POLR1F: variants seen among roughly 807,000 people sequenced by gnomAD.
POLR1F encodes the protein RNA polymerase I subunit F, also known as DNA-directed RNA polymerase I subunit RPA43.
In POLR1F, 23 loss-of-function variants were observed where a neutral mutation model predicts 21.8. The ratio of observed to expected loss-of-function variants is 1.05; its 90% confidence interval spans 0.76 to 1.49. The LOEUF is 1.49. POLR1F is among the 40% of genes most tolerant of loss of function. The pLI is 0.00. For synonymous variants in POLR1F, 162 were observed against 152.8 expected (o/e 1.06, Z -0.45); for missense variants, 435 against 412.1 (o/e 1.06, Z -0.48).
chr7:19,701,209 A>G (rs943445114), intron 2 of POLR1F, among the ~76,000 whole-genome samples: 5 of 152,242 alleles, frequency 3.3e-5, no homozygotes, highest in Non-Finnish European at 5.9e-5. Flanking sequence ...TTATTCAGTA[A>G]TAAAGATAAA....
rs1266419107 is a variant in POLR1F at position 19,696,797 on chromosome 7, G to A, written c.*1519C>T. ...TATTGATTTCACCAATATAAAAATT[G>A]AGATAGTTTACATTTTTTGGTACAT... On this transcript the variant is annotated 3_prime_UTR_variant, in exon 4 of 4. Transcript: ENST00000222567. 6.6e-6 allele frequency: 1 copy of A among 152,066 alleles called. No homozygotes were observed. The highest frequency in any genetic ancestry group is 2.4e-5 in the African/African-American group (1 of 41,434). The allele number at this position is 152,066 out of a possible 1,614,324, so 9.4% of individuals were successfully genotyped here.
At chr7:19,702,255 T>G (rs1783455614) in intron 2 of POLR1F, among the ~76,000 whole-genome samples, 1 of 152,154 alleles carries the variant, frequency 6.6e-6, no homozygotes, top group Non-Finnish European at 1.5e-5. Flanking sequence ...CTCTATACTC[T>G]CCATTCAATT....
At chr7:19,705,549 A>T (rs1231941931) in intron 1 of POLR1F, 1 of 152,610 alleles carries the variant, frequency 6.6e-6, no homozygotes, top group African/African-American at 2.4e-5. Flanking sequence ...CATTACGGTT[A>T]AAGCTGAAGC....
At chr7:19,708,252 A>C (rs1783563603) in intron 1 of POLR1F, among the ~76,000 whole-genome samples, 1 of 152,174 alleles carries the variant, frequency 6.6e-6, no homozygotes, top group Non-Finnish European at 1.5e-5. Flanking sequence ...GAAAATGGGG[A>C]AATTACCAGA....
intron 1 of POLR1F, chr7:19,705,454 C>G (rs1783507654): frequency 6.5e-6 from 1 of 153,378 alleles, no homozygotes; most frequent in Non-Finnish European, 1.5e-5. Flanking sequence ...ATGTGTATCT[C>G]TGTGGACATG....
chr7:19,701,722 G>A (rs541648345), intron 2 of POLR1F, among the ~76,000 whole-genome samples: 1 of 152,062 alleles, frequency 6.6e-6, no homozygotes, highest in African/African-American at 2.4e-5. Flanking sequence ...ATGGCCTCTG[G>A]GGGGGCAGGG....
intron 3 of POLR1F, 54 bp downstream of exon 3, chr7:19,700,018 C>A (rs1294017680): frequency 1.4e-6 from 2 of 1,421,426 alleles, no homozygotes; most frequent in African/African-American, 1.4e-5. Flanking sequence ...CTTTAAAATT[C>A]AGAATTAAAT....
chr7:19,705,658 G>T (rs1447620163), intron 1 of POLR1F, among the ~76,000 whole-genome samples: 1 of 152,214 alleles, frequency 6.6e-6, no homozygotes, highest in Non-Finnish European at 1.5e-5. Context: ...TTTAGGAACT[G>T]ACTGACACTT....
chr7:19,708,701 C>T, intron 1 of POLR1F, 62 bp downstream of exon 1: 1 of 1,560,950 alleles, frequency 6.4e-7, no homozygotes, highest in Non-Finnish European at 8.7e-7. Flanking sequence ...GCTGCGTCGT[C>T]AGCACATCCA....
intron 3 of POLR1F, among the ~76,000 whole-genome samples, chr7:19,699,038 T>C (rs1783416635): frequency 6.6e-6 from 1 of 152,114 alleles, no homozygotes; most frequent in Non-Finnish European, 1.5e-5. Flanking sequence ...AAACATGTCT[T>C]CCAAGTTTTG....
rs557556857 is a variant in POLR1F, at chr7:19,697,483, G to C, written c.*833C>G. 1 of 152,226 alleles carries C rather than the reference G, an allele frequency of 6.6e-6. No homozygotes were observed. Among genetic ancestry groups the C allele is most frequent in the South Asian group, 2.1e-4 (1 of 4,828 alleles). 9.4% of individuals were successfully genotyped at this position (152,226 alleles called of 1,614,324 possible). ...ATTTTCTCAATGAAAGCAGTGAACA[G>C]AACAACTGTTTTCTCTTCAGCACAA... is the stretch of plus-strand genomic sequence containing the variant. On this transcript the variant is annotated 3_prime_UTR_variant, in exon 4 of 4. Transcript: ENST00000222567.
In POLR1F at chr7:19,708,956, C is replaced by T; in HGVS notation, c.61G>A (p.Gly21Arg). The change falls in exon 1 of 4, where the codon GGG (glycine) becomes AGG (arginine). Residue 21 changes from glycine to arginine, a missense_variant. Physicochemically the swap from Gly to Arg is moderately radical, Grantham distance 125. Coordinates refer to ENST00000222567, the MANE Select transcript of POLR1F (RefSeq NM_001002926.2). ...AGGCAAGGCAGGACGCCAGCCTGCC[C>T]TACCAGAGACCCATCAGAAGCCGCC... ...PAAASDGSLV[G>R]QAGVLPCLEL... The T allele has an allele frequency of 1.2e-6, 2 of 1,608,414 alleles. No homozygotes were observed. The highest frequency in any genetic ancestry group is 1.7e-6 in the Non-Finnish European group (2 of 1,176,598).
At chr7:19,701,781 A>G (rs570080202) in intron 2 of POLR1F, among the ~76,000 whole-genome samples, 1 of 152,258 alleles carries the variant, frequency 6.6e-6, no homozygotes, top group Admixed American at 6.5e-5. Context: ...CTGAGCTTTA[A>G]TCATTCATAG....
chr7:19,707,459 GCCCT>G (rs1783546396), intron 1 of POLR1F, among the ~76,000 whole-genome samples: 1 of 152,122 alleles, frequency 6.6e-6, no homozygotes, highest in Admixed American at 6.5e-5. Context: ...TTGACCCCCT[GCCCT>G]CCTCTCCAAT....
chr7:19,700,357 G>A, intron 2 of POLR1F, 77 bp from the exon 3 acceptor site: 1 of 1,053,620 alleles, frequency 9.5e-7, no homozygotes, highest in African/African-American at 1.6e-5. Context: ...AACTTTACAA[G>A]CTTCAAATAA....
At chr7:19,704,729 C>T in intron 2 of POLR1F, 50 bp downstream of exon 2, 2 of 1,502,888 alleles carry the variant, frequency 1.3e-6, no homozygotes, top group Non-Finnish European at 1.8e-6. Context: ...TTCCAAGTTA[C>T]ATAATTATAG....
At chr7:19,699,873 A>G (rs955703595) in intron 3 of POLR1F, among the ~76,000 whole-genome samples, 199 bp downstream of exon 3, 4 of 152,116 alleles carry the variant, frequency 2.6e-5, no homozygotes, top group Non-Finnish European at 5.9e-5. Flanking sequence ...GTGTTTCAGA[A>G]TATTTATTTG....
In POLR1F at chr7:19,698,670, T is replaced by C. The variant is rs1164644261; in HGVS notation, c.663A>G (p.Glu221=). Residue 221 remains glutamate (E), a synonymous_variant, in exon 4 of 4, where the codon GAA becomes GAG. Coordinates refer to ENST00000222567, the MANE Select transcript of POLR1F (RefSeq NM_001002926.2). ...SEEVTENGTE[E]AAKKPKKKKK... ...TCTTCTTTTTAGGTTTTTTAGCAGC[T>C]TCCTCAGTGCCATTTTCTGTAACTT... The C allele has an allele frequency of 9.4e-6, 15 of 1,587,588 alleles. No homozygotes were observed. The East Asian group carries it at 3.4e-4, about 36-fold the overall frequency.
chr7:19,707,668 C>T (rs1554296377), intron 1 of POLR1F, among the ~76,000 whole-genome samples: 1 of 152,214 alleles, frequency 6.6e-6, no homozygotes, highest in Non-Finnish European at 1.5e-5. Context: ...ATTCTACACT[C>T]CTTATCTTAT....
Sources: allele counts gnomAD v4.1 joint callset (sites outside exome capture counted in the v4.1 genomes callset), GRCh38; gene constraint gnomAD v4.1.1; transcripts MANE v1.5; gene names NCBI Gene and HGNC (gene_info 2026-07-23, HGNC 2026-07-21).